The following CRLF2 variants were observed in gnomAD, a reference collection of about 807,000 sequenced individuals.
The protein encoded by CRLF2 is cytokine receptor like factor 2.
CRLF2 carries 41 observed loss-of-function variants against 38.7 expected under a neutral mutation model. The observed-to-expected ratio is 1.06, with a 90% CI of 0.83 to 1.37. The LOEUF is 1.37. Ranked by LOEUF, CRLF2 falls within the 40% of genes most tolerant of loss-of-function variation. CRLF2 has a pLI of 0.00. For missense variants in CRLF2, 377 were observed against 322.2 expected, an observed-to-expected ratio of 1.17 and a Z score of -1.30; for synonymous variants, 140 against 128.8, an observed-to-expected ratio of 1.09 and a Z score of -0.59.
intron 7 of CRLF2, among the ~76,000 whole-genome samples, chrX:1,192,733 TTTCTTTCTTTC>T (rs2086412411): frequency 8.2e-6 from 1 of 121,878 alleles, no homozygotes; most frequent in Non-Finnish European, 1.9e-5. Flanking sequence ...TCTTTCTTTC[TTTCTTTCTTTC>T]TTTCTTTCTT....
intron 5 of CRLF2, among the ~76,000 whole-genome samples, chrX:1,197,510 T>C (rs1477845575): frequency 2.0e-5 from 3 of 151,966 alleles, no homozygotes; most frequent in African/African-American, 7.2e-5. Flanking sequence ...CCTTAAATCA[T>C]GCCCCCTGAA....
At chrX:1,208,689 G>A (rs555215130) in intron 2 of CRLF2, 117 bp downstream of exon 2, 23 of 725,380 alleles carry the variant, frequency 3.2e-5, no homozygotes, top group East Asian at 2.2e-4. Context: ...CAAACATTCC[G>A]GCTTGCACAG....
chrX:1,204,098 G>GAA (rs2086653305), intron 3 of CRLF2, among the ~76,000 whole-genome samples: 1 of 24,392 alleles, frequency 4.1e-5, no homozygotes. Flanking sequence ...TCAAAAAAAA[G>GAA]AGAGAACATC....
chrX:1,197,511 G>GC (rs1243397309), intron 5 of CRLF2, among the ~76,000 whole-genome samples: 1 of 151,884 alleles, frequency 6.6e-6, no homozygotes, highest in Non-Finnish European at 1.5e-5. Flanking sequence ...CTTAAATCAT[G>GC]CCCCCTGAAA....
At chrX:1,204,526 C>G (rs2086660328) in intron 3 of CRLF2, among the ~76,000 whole-genome samples, 3 of 151,780 alleles carry the variant, frequency 2.0e-5, no homozygotes, top group African/African-American at 7.3e-5. Flanking sequence ...CCGCCCTGGG[C>G]CTTATTTATT....
rs765252307 is a variant in CRLF2 at position 1,199,103 on chromosome X, C to A, written c.484-379G>T. 14 of 350,680 alleles carry A rather than the reference C, an allele frequency of 4.0e-5. No homozygotes were observed. In the East Asian group the frequency reaches 9.3e-4, roughly 23 times the overall value. 21.7% of individuals were successfully genotyped at this position (350,680 alleles called of 1,614,324 possible). On this transcript the variant is annotated intron_variant, in intron 4 of 7. Transcript: ENST00000400841. ...GGCGAAGGTTGTAGCAAGCAGAGAT[C>A]GCACCACTGCACTCCAGCCTGGGTG...
chrX:1,191,364 T>TTCTTTCTTTCTCTTTCTTTCTTTCTC (rs2086377807), intron 7 of CRLF2, among the ~76,000 whole-genome samples: 19 of 132,662 alleles, frequency 1.4e-4, no homozygotes, highest in Non-Finnish European at 2.8e-4. Flanking sequence ...TTTCTTTCCT[T>TTCTTTCTTTCTCTTTCTTTCTTTCTC]TCTTTCTCTT....
intron 4 of CRLF2, among the ~76,000 whole-genome samples, chrX:1,200,901 G>T (rs1238832308): frequency 9.3e-6 from 1 of 107,184 alleles, no homozygotes; most frequent in Admixed American, 1.0e-4. Flanking sequence ...ATACAGTCAT[G>T]CATTGCTTAA....
At chrX:1,206,019 T>C (rs186962310) in intron 3 of CRLF2, among the ~76,000 whole-genome samples, 10 of 152,050 alleles carry the variant, frequency 6.6e-5, no homozygotes, top group African/African-American at 2.4e-4. Flanking sequence ...ACGGTAATCA[T>C]TGATCCAGCG....
intron 1 of CRLF2, among the ~76,000 whole-genome samples, chrX:1,210,559 C>A (rs1402190682): frequency 1.3e-5 from 2 of 152,124 alleles, no homozygotes; most frequent in Non-Finnish European, 2.9e-5. Flanking sequence ...ATCCGCCCAC[C>A]TCGGCCTCCC....
At chrX:1,212,386 A>G (rs28392524) in intron 1 of CRLF2, among the ~76,000 whole-genome samples, 170 bp downstream of exon 1, 48,687 of 141,986 alleles carry the variant, frequency 0.34, 9,056 homozygotes, top group African/African-American at 0.46. Context: ...CAGCTACTTG[A>G]GAAGCTGAGG....
At chrX:1,198,870 C>T (rs1224601576) in intron 4 of CRLF2, 146 bp from the exon 5 acceptor site, 10 of 803,992 alleles carry the variant, frequency 1.2e-5, no homozygotes, top group East Asian at 8.1e-5. Flanking sequence ...GCCGCGAGGC[C>T]GGACACAGTG....
chrX:1,190,787 A>G lies in CRLF2; in HGVS notation c.*110T>C. On this transcript the variant is annotated 3_prime_UTR_variant, in exon 8 of 8. Transcript: ENST00000400841. ...TTCAGAGTCTCCTAGTCCTACCATC[A>G]TTGGCGTGGAGACTTCCCATCCATG... 2.5e-6 allele frequency: 1 copy of G among 398,584 alleles called. No homozygotes were observed. Among genetic ancestry groups the G allele is most frequent in the Non-Finnish European group, 4.4e-6 (1 of 226,078 alleles). 24.7% of individuals were successfully genotyped at this position (398,584 alleles called of 1,614,324 possible). A position where few individuals can be genotyped will look rare whatever the true frequency, so the allele number is the denominator to read the frequency against.
intron 1 of CRLF2, among the ~76,000 whole-genome samples, chrX:1,209,294 T>TTGCATTGTAG (rs1477485769): frequency 7.0e-6 from 1 of 142,404 alleles, no homozygotes; most frequent in Admixed American, 7.3e-5. Context: ...TTGCATTGTA[T>TTGCATTGTAG]TGTAGTGTAG....
intron 1 of CRLF2, among the ~76,000 whole-genome samples, chrX:1,211,168 A>AATGGATGG (rs771886142): frequency 1.6e-5 from 2 of 125,862 alleles, no homozygotes; most frequent in Admixed American, 1.5e-4. Context: ...TACATAGGTG[A>AATGGATGG]ATGGATGGAT....
intron 1 of CRLF2, among the ~76,000 whole-genome samples, chrX:1,209,265 C>T (rs748368447): frequency 4.8e-5 from 7 of 146,754 alleles, no homozygotes; most frequent in Admixed American, 6.9e-5. Flanking sequence ...CCGCGCCTGA[C>T]GTATTGTATT....
At chrX:1,211,953 A>G (rs2086810700) in intron 1 of CRLF2, among the ~76,000 whole-genome samples, 1 of 144,224 alleles carries the variant, frequency 6.9e-6, no homozygotes, top group Admixed American at 7.0e-5. Flanking sequence ...GGATGGATGG[A>G]TGGATGATAG....
chrX:1,207,335 A>G (rs1386168229), intron 2 of CRLF2, among the ~76,000 whole-genome samples: 1 of 149,406 alleles, frequency 6.7e-6, no homozygotes, highest in Non-Finnish European at 1.5e-5. Context: ...GGCCCACTGC[A>G]ACCTCTGCCT....
chrX:1,196,257 C>T (rs748041555), intron 6 of CRLF2, among the ~76,000 whole-genome samples: 16 of 149,140 alleles, frequency 1.1e-4, no homozygotes, highest in South Asian at 1.1e-3. Context: ...GCGCAATCTC[C>T]GCTCACAGCA....
Sources: gnomAD v4.1 joint callset for allele counts (sites outside exome capture counted in the v4.1 genomes callset) on GRCh38, gnomAD v4.1.1 for gene constraint, MANE v1.5 for transcripts, NCBI Gene and HGNC (gene_info 2026-07-23, HGNC 2026-07-21) for gene names.